MAPK10: variants seen among roughly 807,000 people sequenced by gnomAD.
MAPK10 encodes the protein mitogen-activated protein kinase 10.
Under a neutral mutation model 59.3 loss-of-function variants are expected in MAPK10, and 25 were observed. That is an observed-to-expected ratio of 0.42 (90% CI 0.31 to 0.59). The LOEUF is 0.59. MAPK10 is among the 20% of genes least tolerant of loss of function. The pLI is 0.15. For synonymous variants in MAPK10, 190 were observed against 200.5 expected (o/e 0.95, Z 0.44); for missense variants, 351 against 568.9 (o/e 0.62, Z 3.90).
intron 1 of MAPK10, among the ~76,000 whole-genome samples, chr4:86,380,257 C>T (rs936456330): frequency 6.6e-6 from 1 of 151,948 alleles, no homozygotes; most frequent in East Asian, 1.9e-4. Context: ...AAAAAAAACC[C>T]CCCCAAAAAA....
At chr4:86,244,802 T>C (rs561627867) in intron 2 of MAPK10, among the ~76,000 whole-genome samples, 17 of 152,346 alleles carry the variant, frequency 1.1e-4, no homozygotes, top group African/African-American at 3.8e-4. Context: ...GAGCTTCTTA[T>C]TAAGTATTCT....
intron 2 of MAPK10, among the ~76,000 whole-genome samples, chr4:86,210,814 C>G (rs555919740): frequency 1.0e-4 from 15 of 150,414 alleles, no homozygotes; most frequent in African/African-American, 3.7e-4. Flanking sequence ...CAAAGATGCT[C>G]AAAGAACTGA....
intron 4 of MAPK10, among the ~76,000 whole-genome samples, chr4:86,113,645 A>G (rs2057879631): frequency 6.6e-6 from 1 of 152,068 alleles, no homozygotes; most frequent in African/African-American, 2.4e-5. Context: ...GCTGCTCTTA[A>G]CATTTTTTCC....
chr4:86,507,660 ATATATATATAT>A (rs1755891935), intron 1 of MAPK10, among the ~76,000 whole-genome samples: 6 of 109,524 alleles, frequency 5.5e-5, no homozygotes, highest in African/African-American at 1.5e-4. Flanking sequence ...ATATATATAT[ATATATATATAT>A]AAAATCATGT....
intron 1 of MAPK10, among the ~76,000 whole-genome samples, chr4:86,433,914 C>T (rs1416545394): frequency 6.6e-6 from 1 of 152,078 alleles, no homozygotes; most frequent in Non-Finnish European, 1.5e-5. Context: ...TAACAAATTA[C>T]AATAGAATAG....
chr4:86,585,585 C>G (rs527587535), intron 1 of MAPK10, among the ~76,000 whole-genome samples: 1 of 152,304 alleles, frequency 6.6e-6, no homozygotes, highest in African/African-American at 2.4e-5. Flanking sequence ...ATGCTTACAT[C>G]ATATATGTAT....
At chr4:86,173,040 G>A (rs1264442899) in intron 3 of MAPK10, among the ~76,000 whole-genome samples, 1 of 151,962 alleles carries the variant, frequency 6.6e-6, no homozygotes, top group Non-Finnish European at 1.5e-5. Context: ...TGGCCATACT[G>A]CCCAAAGTAA....
At chr4:86,506,010 GC>G (rs1223582132) in intron 1 of MAPK10, among the ~76,000 whole-genome samples, 6 of 152,048 alleles carry the variant, frequency 3.9e-5, no homozygotes, top group Admixed American at 3.9e-4. Context: ...CATACTCCTT[GC>G]CCTAAAGGAA....
At position 86,121,143 on chromosome 4, in the gene MAPK10, A is replaced by G. The variant is rs539757338; in HGVS notation, c.237-13791T>C. On this transcript the variant is annotated intron_variant, in intron 4 of 13. Coordinates refer to ENST00000641462, the MANE Select transcript of MAPK10 (RefSeq NM_138982.4). Reference sequence around the variant, plus strand: ...ATACGATGATTTAACACATGCAGCTATGTCTTAGTCTATTTGGGCTGCTAT... The same window carrying G: ...ATACGATGATTTAACACATGCAGCTGTGTCTTAGTCTATTTGGGCTGCTAT... Among the ~76,000 whole-genome samples the G allele has an allele frequency of 2.0e-5, 3 of 152,320 alleles. No homozygotes were observed. In the South Asian group the frequency reaches 6.2e-4, roughly 32 times the overall value.
intron 11 of MAPK10, among the ~76,000 whole-genome samples, chr4:86,039,468 C>T (rs544187917): frequency 2.0e-4 from 31 of 152,326 alleles, no homozygotes; most frequent in Non-Finnish European, 3.7e-4. Context: ...GCCCTAGACA[C>T]CAGGCTAGTA....
intron 1 of MAPK10, among the ~76,000 whole-genome samples, chr4:86,430,411 A>C (rs960096434): frequency 1.3e-5 from 2 of 152,182 alleles, no homozygotes; most frequent in Non-Finnish European, 2.9e-5. Context: ...ATTTTAAACA[A>C]TTATTTACCA....
chr4:86,098,286 T>G (rs1308004870), intron 9 of MAPK10: 1 of 377,326 alleles, frequency 2.7e-6, no homozygotes, highest in African/African-American at 2.1e-5. Context: ...CTATTTTTAG[T>G]TGCAGGCAAG....
At chr4:86,592,855 C>A (rs1451393684) in intron 1 of MAPK10, among the ~76,000 whole-genome samples, 2 of 152,200 alleles carry the variant, frequency 1.3e-5, no homozygotes, top group African/African-American at 2.4e-5. Context: ...ACATAGCAAA[C>A]TTTCTCTTAG....
chr4:86,167,403 G>A (rs1247662100), intron 3 of MAPK10, among the ~76,000 whole-genome samples: 1 of 152,150 alleles, frequency 6.6e-6, no homozygotes, highest in Admixed American at 6.5e-5. Context: ...AAATCTGGCA[G>A]AGACATAGCA....
chr4:86,364,664 T>C (rs1045747089), upstream of MAPK10, among the ~76,000 whole-genome samples: 2 of 152,214 alleles, frequency 1.3e-5, no homozygotes, highest in Admixed American at 1.3e-4. Flanking sequence ...TACCTAAATA[T>C]TTCCCATTCC....
Position 86,500,980 on chromosome 4 carries a change from T to A in MAPK10, c.-263+92930A>T, listed in dbSNP as rs2149079175. 2.0e-5 allele frequency among the ~76,000 whole-genome samples: 3 copies of A among 152,106 alleles called. No individual in the cohort carries two copies. The East Asian group carries it at 5.8e-4, about 29-fold the overall frequency. On this transcript the variant is annotated intron_variant, in intron 1 of 4. Transcript: ENST00000502302. ...GATAAGTATTTGAAATCTGTTAACA[T>A]TTAAAAATATAAACAGATTAGAAGG... is the stretch of plus-strand genomic sequence containing the variant.
chr4:86,403,865 A>G (rs1250560121), intron 1 of MAPK10, among the ~76,000 whole-genome samples: 1 of 152,136 alleles, frequency 6.6e-6, no homozygotes, highest in African/African-American at 2.4e-5. Context: ...AACCGGAGAT[A>G]AGATTTCGGT....
At chr4:86,314,149 A>G (rs73834278) in intron 2 of MAPK10, among the ~76,000 whole-genome samples, 1,647 of 152,310 alleles carry the variant, frequency 0.011, 35 homozygotes, top group African/African-American at 0.038. Flanking sequence ...TTAGAATGAC[A>G]GAAGTCAGAA....
chr4:86,577,688 AG>A (rs1476169431), intron 1 of MAPK10, among the ~76,000 whole-genome samples: 5 of 152,364 alleles, frequency 3.3e-5, no homozygotes, highest in African/African-American at 1.2e-4. Context: ...AAATAGCCCA[AG>A]AAAATTAATA....
Sources: gnomAD v4.1 joint callset for allele counts (sites outside exome capture counted in the v4.1 genomes callset) on GRCh38, gnomAD v4.1.1 for gene constraint, MANE v1.5 for transcripts, NCBI Gene and HGNC (gene_info 2026-07-23, HGNC 2026-07-21) for gene names.